SH3BGRL: variants seen among roughly 807,000 people sequenced by gnomAD.
SH3BGRL encodes adapter SH3BGRL.
In SH3BGRL, 7 loss-of-function variants were observed where a neutral mutation model predicts 9.8. The ratio of observed to expected loss-of-function variants is 0.72; its 90% CI spans 0.41 to 1.35. The LOEUF is 1.35. Ranked by LOEUF, SH3BGRL falls within the 40% of genes most tolerant of loss-of-function variation. The pLI is 0.01. For missense variants in SH3BGRL, 73 were observed against 84.4 expected (o/e 0.86, Z 0.53); for synonymous variants, 36 against 29.1 (o/e 1.24, Z -0.76).
In SH3BGRL at chrX:81,297,847, T is replaced by TA. The variant is rs1353029581; in HGVS notation, c.*621dup. On this transcript the variant is annotated 3_prime_UTR_variant, in exon 4 of 4. Coordinates refer to ENST00000373212, the MANE Select transcript of SH3BGRL (RefSeq NM_003022.3). ...TGCACATTTCAGTGATCAGAATAGATATCCTTTTACACGCACAAAAGCAAT... is the reference window on the plus strand; with the variant it reads ...TGCACATTTCAGTGATCAGAATAGATAATCCTTTTACACGCACAAAAGCAAT... The TA allele has an allele frequency of 8.9e-6, 1 of 111,938 alleles. No homozygotes were observed. Among genetic ancestry groups the TA allele is most frequent in the Non-Finnish European group, 1.9e-5 (1 of 53,028 alleles). 9.2% of individuals were successfully genotyped at this position (111,938 alleles called of 1,213,427 possible). A position where few individuals can be genotyped will look rare whatever the true frequency, so the allele number is the denominator to read the frequency against.
At chrX:81,222,509 T>G (rs1173638374) in intron 1 of SH3BGRL, among the ~76,000 whole-genome samples, 13 of 110,697 alleles carry the variant, frequency 1.2e-4, no homozygotes, top group Admixed American at 5.8e-4. Flanking sequence ...AACTTATCCT[T>G]TTTTATGACT....
chrX:81,239,884 G>A (rs1393211238), intron 1 of SH3BGRL, among the ~76,000 whole-genome samples: 1 of 111,996 alleles, frequency 8.9e-6, no homozygotes, highest in East Asian at 2.8e-4. Context: ...AAGTACTGAA[G>A]GAGAACAACT....
intron 3 of SH3BGRL, among the ~76,000 whole-genome samples, chrX:81,288,591 G>T (rs2075845566): frequency 8.9e-6 from 1 of 112,457 alleles, no homozygotes; most frequent in Admixed American, 9.4e-5. Context: ...CAGTAAAGTT[G>T]CAGGATGCAA....
At chrX:81,255,109 C>G (rs2075721766) in intron 1 of SH3BGRL, among the ~76,000 whole-genome samples, 2 of 110,528 alleles carry the variant, frequency 1.8e-5, no homozygotes, top group Non-Finnish European at 3.8e-5. Context: ...AGGAGGTTCT[C>G]AATCTCCTGA....
At chrX:81,257,893 G>T (rs1366796657) in intron 1 of SH3BGRL, among the ~76,000 whole-genome samples, 1 of 110,396 alleles carries the variant, frequency 9.1e-6, no homozygotes, top group Non-Finnish European at 1.9e-5. Context: ...CAACATCTAT[G>T]AATTGATTTT....
intron 1 of SH3BGRL, among the ~76,000 whole-genome samples, chrX:81,222,365 T>C (rs1314052052): frequency 1.1e-5 from 1 of 89,644 alleles, no homozygotes; most frequent in East Asian, 4.0e-4. Context: ...ATGTTCCCCT[T>C]CCTGTGTCCA....
intron 1 of SH3BGRL, among the ~76,000 whole-genome samples, chrX:81,234,236 G>T (rs2075641077): frequency 9.0e-6 from 1 of 111,322 alleles, no homozygotes; most frequent in Non-Finnish European, 1.9e-5. Flanking sequence ...CATCAATATA[G>T]AAATACCTTG....
intron 1 of SH3BGRL, among the ~76,000 whole-genome samples, chrX:81,246,663 T>A (rs2075690194): frequency 9.0e-6 from 1 of 111,234 alleles, no homozygotes; most frequent in Non-Finnish European, 1.9e-5. Flanking sequence ...TTTATCTTAG[T>A]CAGTGAGTCT....
rs1178848602 is a variant in SH3BGRL, at chrX:81,271,988, A to G, written c.46-4996A>G. Among the ~76,000 whole-genome samples, 3 of 109,896 alleles carry G rather than the reference A, an allele frequency of 2.7e-5. No individual in the cohort carries two copies. In the Admixed American group the frequency reaches 2.9e-4, roughly 11 times the overall value. ...AGTGGGCGGATCATGAGGTCAGGAG[A>G]TTGAGACCATCCTGGCTAACATGGT... On this transcript the variant is annotated intron_variant, in intron 1 of 3. Coordinates refer to ENST00000373212, the MANE Select transcript of SH3BGRL (RefSeq NM_003022.3).
At chrX:81,202,445 T>G in intron 1 of SH3BGRL, 200 bp downstream of exon 1, 1 of 1,006,554 alleles carries the variant, frequency 9.9e-7, no homozygotes, top group Non-Finnish European at 1.3e-6. Flanking sequence ...AGAGTTCAGC[T>G]TTGTTTGCTT....
chrX:81,267,376 G>A (rs932082432), intron 1 of SH3BGRL, among the ~76,000 whole-genome samples: 4 of 111,684 alleles, frequency 3.6e-5, no homozygotes, highest in African/African-American at 1.3e-4. Context: ...GTTGAGATAC[G>A]TTTCACTGAT....
chrX:81,235,855 G>T (rs1420290028), intron 1 of SH3BGRL, among the ~76,000 whole-genome samples: 1 of 110,727 alleles, frequency 9.0e-6, no homozygotes, highest in Non-Finnish European at 1.9e-5. Context: ...GCCATCATTT[G>T]GTCTTAAACC....
At chrX:81,262,672 T>G (rs1265847138) in intron 1 of SH3BGRL, among the ~76,000 whole-genome samples, 2 of 112,093 alleles carry the variant, frequency 1.8e-5, no homozygotes, top group African/African-American at 6.5e-5. Context: ...GTTGGCTTCT[T>G]AGTTGTGACA....
intron 1 of SH3BGRL, among the ~76,000 whole-genome samples, chrX:81,209,829 T>A (rs996091514): frequency 1.2e-4 from 13 of 111,738 alleles, no homozygotes; most frequent in African/African-American, 4.2e-4. Flanking sequence ...GTTCTTTTTT[T>A]AAAATCAAAT....
intron 1 of SH3BGRL, among the ~76,000 whole-genome samples, chrX:81,259,972 T>G (rs1759597807): frequency 8.9e-6 from 1 of 111,892 alleles, no homozygotes; most frequent in African/African-American, 3.2e-5. Context: ...AGGCTTTTAT[T>G]GCTGCTGGCA....
chrX:81,277,284 C>T (rs73231024), intron 2 of SH3BGRL, 115 bp downstream of exon 2: 15,121 of 590,614 alleles, frequency 0.026, 179 homozygotes, highest in Non-Finnish European at 0.03. Flanking sequence ...TGCATATAGT[C>T]ATTTGTCCTT....
intron 1 of SH3BGRL, among the ~76,000 whole-genome samples, chrX:81,236,278 G>A (rs776484277): frequency 4.9e-4 from 55 of 111,562 alleles, no homozygotes; most frequent in Middle Eastern, 4.6e-3. Context: ...CAAAAAATAA[G>A]CAATAATAAT....
At chrX:81,289,572 T>C (rs1470489074) in intron 3 of SH3BGRL, among the ~76,000 whole-genome samples, 1 of 111,236 alleles carries the variant, frequency 9.0e-6, no homozygotes, top group African/African-American at 3.3e-5. Flanking sequence ...AACCACTCTA[T>C]AGGGGCCATG....
intron 1 of SH3BGRL, among the ~76,000 whole-genome samples, chrX:81,270,896 T>C (rs1443915592): frequency 1.8e-5 from 2 of 112,021 alleles, no homozygotes; most frequent in Admixed American, 9.4e-5. Context: ...CAGTTCAAGC[T>C]GCCCTGCCAC....
Sources: gnomAD v4.1 joint callset for allele counts (sites outside exome capture counted in the v4.1 genomes callset) on GRCh38, gnomAD v4.1.1 for gene constraint, MANE v1.5 for transcripts, NCBI Gene and HGNC (gene_info 2026-07-23, HGNC 2026-07-21) for gene names.